Variants in PANK1 observed in about 807,000 individuals in gnomAD.
PANK1 encodes pantothenic acid kinase 1.
Under a neutral mutation model 40.1 loss-of-function variants are expected in PANK1, and 18 were observed. The ratio of observed to expected loss-of-function variants is 0.45; its 90% CI spans 0.31 to 0.67. The LOEUF (loss-of-function observed/expected upper bound fraction) is 0.67. Ranked by LOEUF, PANK1 falls within the 30% of genes least tolerant of loss-of-function variation. The pLI is 0.06. For missense variants in PANK1, 457 were observed against 599.6 expected, an observed-to-expected ratio of 0.76 and a Z score of 2.48; for synonymous variants, 242 against 237.7, an observed-to-expected ratio of 1.02 and a Z score of -0.17.
At chr10:89,615,747 A>G (rs1845297873) in intron 1 of PANK1, among the ~76,000 whole-genome samples, 1 of 152,170 alleles carries the variant, frequency 6.6e-6, no homozygotes, top group South Asian at 2.1e-4. Flanking sequence ...TGAAAAATCT[A>G]ATGCTCTTCT....
rs1305741702 is a variant in PANK1, at chr10:89,641,761, AAAT to A, written c.292+2836_292+2838del. Among the ~76,000 whole-genome samples, 15 of 127,442 alleles carry A rather than the reference AAAT, an allele frequency of 1.2e-4. No individual in the cohort carries two copies. In the Middle Eastern group the frequency reaches 0.011, roughly 97 times the overall value. 83.6% of individuals were successfully genotyped at this position (127,442 alleles called of 152,430 possible). Reference sequence around the variant, plus strand: ...TAAATAAATAAATAAATAAATAAATAAATAAATAAATAAAATAAAAAAAAATCA... The same window carrying A: ...TAAATAAATAAATAAATAAATAAATAAAATAAATAAAATAAAAAAAAATCA... On this transcript the variant is annotated intron_variant, in intron 1 of 6. Coordinates refer to ENST00000307534, the MANE Select transcript of PANK1 (RefSeq NM_148977.3).
chr10:89,637,977 A>AAC (rs1400068110), intron 1 of PANK1, among the ~76,000 whole-genome samples: 1 of 152,072 alleles, frequency 6.6e-6, no homozygotes, highest in Admixed American at 6.5e-5. Flanking sequence ...CAAAGATGCA[A>AAC]ACACACACAT....
chr10:89,614,397 C>A (rs1301653976), intron 1 of PANK1, among the ~76,000 whole-genome samples: 2 of 152,098 alleles, frequency 1.3e-5, no homozygotes, highest in Non-Finnish European at 2.9e-5. Context: ...AATCAAAAAA[C>A]AAAAACAAAA....
chr10:89,638,692 A>G (rs7073802), intron 1 of PANK1, among the ~76,000 whole-genome samples: 110,860 of 152,082 alleles, frequency 0.73, 40,786 homozygotes, highest in South Asian at 0.93. Flanking sequence ...ACACAATTCA[A>G]CCAAATTCCT....
At chr10:89,628,768 C>G (rs1296258485) in intron 1 of PANK1, among the ~76,000 whole-genome samples, 2 of 152,104 alleles carry the variant, frequency 1.3e-5, no homozygotes, top group Non-Finnish European at 2.9e-5. Flanking sequence ...AATGCACAAC[C>G]CACTTCTCCA....
At chr10:89,629,290 T>TAGGCATTGTAGTTAGAAGTGAC (rs1564635264) in intron 1 of PANK1, among the ~76,000 whole-genome samples, 1 of 152,200 alleles carries the variant, frequency 6.6e-6, no homozygotes, top group Non-Finnish European at 1.5e-5. Context: ...CCTGAGGTTA[T>TAGGCATTGTAGTTAGAAGTGAC]AGGCATTGTA....
At chr10:89,600,304 C>T (rs1031895561) in intron 2 of PANK1, among the ~76,000 whole-genome samples, 1 of 152,078 alleles carries the variant, frequency 6.6e-6, no homozygotes, top group African/African-American at 2.4e-5. Flanking sequence ...CATGAAGTCC[C>T]GAGGGACTGG....
chr10:89,590,515 T>C (rs1844348986), intron 5 of PANK1, among the ~76,000 whole-genome samples: 1 of 152,170 alleles, frequency 6.6e-6, no homozygotes, highest in Non-Finnish European at 1.5e-5. Flanking sequence ...ACAATCAACA[T>C]ATCCGATGAC....
chr10:89,645,045 C>G lies in PANK1; in HGVS notation c.-154G>C, dbSNP rs1283264639. On this transcript the variant is annotated 5_prime_UTR_variant, in exon 1 of 7. Transcript: ENST00000307534. Reference sequence around the variant, plus strand: ...GGGGATGGCGAACCCGGCGCTCCTCCCCTCCTCCTGCCGACTCCCCCACCT... The same window carrying G: ...GGGGATGGCGAACCCGGCGCTCCTCGCCTCCTCCTGCCGACTCCCCCACCT... 1 of 1,563,764 alleles carries G rather than the reference C, an allele frequency of 6.4e-7. No homozygotes were observed. Among genetic ancestry groups the G allele is most frequent in the Admixed American group, 1.9e-5 (1 of 53,462 alleles).
chr10:89,592,142 C>G (rs1844411845), intron 5 of PANK1, among the ~76,000 whole-genome samples: 1 of 152,208 alleles, frequency 6.6e-6, no homozygotes. Flanking sequence ...GTATCAGCCT[C>G]CCATTTAAAC....
At chr10:89,638,187 C>T (rs1054614821) in intron 1 of PANK1, among the ~76,000 whole-genome samples, 1 of 152,198 alleles carries the variant, frequency 6.6e-6, no homozygotes, top group African/African-American at 2.4e-5. Flanking sequence ...GGTTATGATA[C>T]CACTGGGCAA....
chr10:89,602,468 G>T (rs1227242391), intron 2 of PANK1, among the ~76,000 whole-genome samples: 1 of 151,916 alleles, frequency 6.6e-6, no homozygotes, highest in Non-Finnish European at 1.5e-5. Context: ...TGGGAAAAAT[G>T]ACAGGGTCCC....
At chr10:89,619,591 T>C (rs1216159233) in intron 1 of PANK1, among the ~76,000 whole-genome samples, 1 of 152,178 alleles carries the variant, frequency 6.6e-6, no homozygotes, top group Admixed American at 6.5e-5. Flanking sequence ...GATTCCCTAA[T>C]GCCAATGTCT....
intron 1 of PANK1, among the ~76,000 whole-genome samples, chr10:89,633,030 C>T (rs1245175853): frequency 6.6e-6 from 1 of 152,124 alleles, no homozygotes. Flanking sequence ...TTTCTCTGAG[C>T]TTCTTCTGTG....
At chr10:89,630,148 T>A (rs900866645) in intron 1 of PANK1, among the ~76,000 whole-genome samples, 9 of 152,170 alleles carry the variant, frequency 5.9e-5, no homozygotes, top group African/African-American at 2.2e-4. Flanking sequence ...GCTGAAGTGG[T>A]ATATATTATC....
At chr10:89,631,844 T>C (rs1053869813) in intron 1 of PANK1, among the ~76,000 whole-genome samples, 1 of 152,192 alleles carries the variant, frequency 6.6e-6, no homozygotes, top group East Asian at 1.9e-4. Flanking sequence ...ACAAATGAGA[T>C]GTAACAATTT....
chr10:89,636,761 A>G (rs936062168), intron 1 of PANK1, among the ~76,000 whole-genome samples: 1 of 149,278 alleles, frequency 6.7e-6, no homozygotes, highest in Middle Eastern at 3.5e-3. Context: ...TGCCTCCACA[A>G]GTCGTGTACT....
At chr10:89,637,865 G>A (rs1383516035) in intron 1 of PANK1, among the ~76,000 whole-genome samples, 1 of 151,748 alleles carries the variant, frequency 6.6e-6, no homozygotes, top group Non-Finnish European at 1.5e-5. Context: ...TATTGTATAG[G>A]TGTACAAAAA....
intron 1 of PANK1, among the ~76,000 whole-genome samples, chr10:89,619,155 G>A (rs1296451527): frequency 6.6e-6 from 1 of 152,178 alleles, no homozygotes; most frequent in African/African-American, 2.4e-5. Context: ...TACAAACCAA[G>A]ATTGTCTATC....
Sources: allele counts gnomAD v4.1 joint callset (sites outside exome capture counted in the v4.1 genomes callset), GRCh38; gene constraint gnomAD v4.1.1; transcripts MANE v1.5; gene names NCBI Gene and HGNC (gene_info 2026-07-23, HGNC 2026-07-21).